C12orf42: variants seen among roughly 807,000 people sequenced by gnomAD.
The protein encoded by C12orf42 is chromosome 12 open reading frame 42, also known as uncharacterized protein C12orf42.
A neutral mutation model predicts 21.6 loss-of-function variants in C12orf42; 25 were observed. That is an observed-to-expected ratio of 1.16 (90% CI 0.84 to 1.62). The LOEUF (loss-of-function observed/expected upper bound fraction) is 1.62, where lower values mean the gene tolerates loss of function less well. C12orf42 is among the 40% of genes most tolerant of loss of function. The pLI, the probability that C12orf42 is intolerant of heterozygous loss-of-function variation, is 0.00. For missense variants in C12orf42, 483 were observed against 459.3 expected (o/e 1.05, Z -0.47); for synonymous variants, 174 against 175.0 (o/e 0.99, Z 0.05).
At chr12:103,473,109 G>A (rs1220666520) in intron 2 of C12orf42, among the ~76,000 whole-genome samples, 1 of 152,160 alleles carries the variant, frequency 6.6e-6, no homozygotes, top group Non-Finnish European at 1.5e-5. Flanking sequence ...GTATCTGCAT[G>A]CTTTTGCCTT....
the C12orf42 span, among the ~76,000 whole-genome samples, chr12:103,079,658 T>C: frequency 6.6e-6 from 1 of 152,328 alleles, no homozygotes; most frequent in South Asian, 2.1e-4. Flanking sequence ...AACAATCACA[T>C]TTATTTCTTG....
the C12orf42 span, among the ~76,000 whole-genome samples, chr12:103,162,384 C>T: frequency 2.0e-5 from 3 of 152,104 alleles, no homozygotes; most frequent in African/African-American, 7.2e-5. Context: ...GGTCCAAATC[C>T]CCTGCAGGGC....
the C12orf42 span, among the ~76,000 whole-genome samples, chr12:103,131,169 C>T: frequency 1.3e-5 from 2 of 152,028 alleles, no homozygotes; most frequent in African/African-American, 4.8e-5. Context: ...GGAACCTATG[C>T]CACAGTATTG....
the C12orf42 span, among the ~76,000 whole-genome samples, chr12:103,123,052 T>C: frequency 6.6e-6 from 1 of 152,140 alleles, no homozygotes; most frequent in Non-Finnish European, 1.5e-5. Context: ...GTGGCTAAAT[T>C]CTGGATATAT....
the C12orf42 span, among the ~76,000 whole-genome samples, chr12:103,142,977 C>T: frequency 6.6e-6 from 1 of 152,070 alleles, no homozygotes; most frequent in Non-Finnish European, 1.5e-5. Context: ...CCTCACAGCT[C>T]AAAACATGAT....
At chr12:103,301,101 A>G (rs2037618045), downstream of C12orf42, among the ~76,000 whole-genome samples, 1 of 152,194 alleles carries the variant, frequency 6.6e-6, no homozygotes, top group Non-Finnish European at 1.5e-5. Context: ...ATTCCTCTCA[A>G]AACCTTGAGA....
In C12orf42 at chr12:103,260,405, T is replaced by G. The variant is rs114109648; in HGVS notation, c.*1366+2921A>C. On this transcript the variant is annotated intron_variant and NMD_transcript_variant, in intron 10 of 10. Coordinates refer to the C12orf42 transcript ENST00000547347. Reference sequence around the variant, plus strand: ...CTTCACATATGCAAGGCAAGTCGACTTGCCCAGGCAACAAGATACACCAAG... The same window carrying G: ...CTTCACATATGCAAGGCAAGTCGACGTGCCCAGGCAACAAGATACACCAAG... Among the ~76,000 whole-genome samples, 928 of 152,320 alleles carry G rather than the reference T, an allele frequency of 6.1e-3. 13 individuals are homozygous for G. The highest frequency in any genetic ancestry group is 0.021 in the African/African-American group (886 of 41,572).
the C12orf42 span, chr12:103,167,900 G>GTGTGTGTTTGTGTC: frequency 8.5e-6 from 3 of 353,130 alleles, no homozygotes; most frequent in South Asian, 6.5e-5. Flanking sequence ...GTGTGTGTGT[G>GTGTGTGTTTGTGTC]TGTGTGTGTG....
the C12orf42 span, among the ~76,000 whole-genome samples, chr12:103,147,871 T>C: frequency 6.6e-6 from 1 of 152,016 alleles, no homozygotes. Flanking sequence ...CCAAGACACA[T>C]GGACCAGCAG....
the C12orf42 span, among the ~76,000 whole-genome samples, chr12:103,117,529 T>C: frequency 6.6e-6 from 1 of 152,222 alleles, no homozygotes; most frequent in Non-Finnish European, 1.5e-5. Context: ...GGGTTACTTA[T>C]TGCATTCCAG....
the C12orf42 span, among the ~76,000 whole-genome samples, chr12:103,189,107 T>C: frequency 6.6e-6 from 1 of 152,118 alleles, no homozygotes; most frequent in Admixed American, 6.5e-5. Context: ...GAAACAAATA[T>C]CAAAAGAAAA....
intron 4 of C12orf42, among the ~76,000 whole-genome samples, chr12:103,359,043 G>A (rs899475672): frequency 6.6e-6 from 1 of 151,866 alleles, no homozygotes; most frequent in African/African-American, 2.4e-5. Flanking sequence ...GGCCACACTG[G>A]TCTCTTTTCT....
chr12:103,452,076 T>C (rs746858781), intron 2 of C12orf42, among the ~76,000 whole-genome samples: 3 of 151,856 alleles, frequency 2.0e-5, no homozygotes, highest in African/African-American at 7.3e-5. Flanking sequence ...GCCAAACTTA[T>C]CCAAGCTCAC....
intron 4 of C12orf42, among the ~76,000 whole-genome samples, chr12:103,338,742 C>A (rs2041931801): frequency 6.6e-6 from 1 of 152,088 alleles, no homozygotes; most frequent in Non-Finnish European, 1.5e-5. Context: ...TCTATGGATT[C>A]TCTGGCTGAT....
intron 10 of C12orf42, among the ~76,000 whole-genome samples, chr12:103,258,798 GA>G (rs1289199632): frequency 6.6e-6 from 1 of 151,932 alleles, no homozygotes; most frequent in Non-Finnish European, 1.5e-5. Flanking sequence ...TTTTAATGAA[GA>G]AAAAATCAAA....
At chr12:103,300,356 T>C (rs1414265259), downstream of C12orf42, among the ~76,000 whole-genome samples, 1 of 152,178 alleles carries the variant, frequency 6.6e-6, no homozygotes, top group Non-Finnish European at 1.5e-5. Flanking sequence ...CAGACATATT[T>C]ATCTATGGAC....
chr12:103,135,121 A>G, the C12orf42 span, among the ~76,000 whole-genome samples: 1 of 152,210 alleles, frequency 6.6e-6, no homozygotes, highest in Admixed American at 6.5e-5. Flanking sequence ...ATGAAAACAC[A>G]CAAAAGTATA....
the C12orf42 span, chr12:103,548,826 G>C: frequency 9.9e-5 from 15 of 152,220 alleles, no homozygotes; most frequent in Admixed American, 8.5e-4. Context: ...CTCGTGGTGG[G>C]CATTCTGTGA....
chr12:103,151,621 A>G, the C12orf42 span, among the ~76,000 whole-genome samples: 3 of 152,216 alleles, frequency 2.0e-5, no homozygotes, highest in East Asian at 1.9e-4. Context: ...AAAAAGATCA[A>G]TGTAAATCAC....
Sources: gnomAD v4.1 joint callset for allele counts (sites outside exome capture counted in the v4.1 genomes callset) on GRCh38, gnomAD v4.1.1 for gene constraint, MANE v1.5 for transcripts, NCBI Gene and HGNC (gene_info 2026-07-23, HGNC 2026-07-21) for gene names.